TSC2: variants seen among roughly 807,000 people sequenced by gnomAD.
TSC2 encodes TSC complex subunit 2.
TSC2 carries 29 observed loss-of-function variants against 202.2 expected under a neutral mutation model. The ratio of observed to expected loss-of-function variants is 0.14; its 90% CI spans 0.11 to 0.20. The LOEUF (loss-of-function observed/expected upper bound fraction) is 0.20, where lower values mean the gene tolerates loss of function less well. Ranked by LOEUF, TSC2 falls within the 10% of genes least tolerant of loss-of-function variation. TSC2 has a pLI of 1.00. For missense variants in TSC2, 2,429 were observed against 2,420.0 expected (o/e 1.00, Z -0.08); for synonymous variants, 1,349 against 1,044.0 (o/e 1.29, Z -5.63).
rs45517297 is a variant in TSC2 at position 2,080,299 on chromosome 16, C to G, written c.3532C>G (p.Gln1178Glu). Residue 1178 changes from glutamine to glutamate, a missense_variant, in exon 30 of 42, where the codon CAG becomes GAG. By Grantham distance (29) the Gln-to-Glu change is conservative. Transcript: ENST00000219476. ...CTCAGCTGGCACCCGGGTTCCTGTG[C>G]AGGAGAAGACGAACCTGGCGGCCTA... ...KASAGTRVPV[Q>E]EKTNLAAYVP... 1 of 1,612,828 alleles carries G rather than the reference C, an allele frequency of 6.2e-7. No individual in the cohort carries two copies. Among genetic ancestry groups the G allele is most frequent in the African/African-American group, 1.3e-5 (1 of 74,954 alleles).
At chr16:2,086,025 A>G (rs1278271456) in intron 36 of TSC2, among the ~76,000 whole-genome samples, 168 bp from the exon 37 acceptor site, 1 of 152,130 alleles carries the variant, frequency 6.6e-6, no homozygotes, top group Non-Finnish European at 1.5e-5. Context: ...AGAGGGAGTC[A>G]AGGATGACAC....
intron 16 of TSC2, among the ~76,000 whole-genome samples, chr16:2,067,311 G>A (rs771900040): frequency 1.3e-5 from 2 of 151,992 alleles, no homozygotes; most frequent in South Asian, 2.1e-4. Context: ...ATAGGCACAC[G>A]TCACCACACC....
intron 30 of TSC2, 27 bp downstream of exon 30, chr16:2,080,404 C>A (rs2089985156): frequency 1.9e-6 from 3 of 1,606,270 alleles, no homozygotes; most frequent in Non-Finnish European, 2.5e-6. Flanking sequence ...GCCTGAGCGC[C>A]ATCTTTCTGC....
rs753764275 is a variant in TSC2, at chr16:2,062,547, G to T, written c.1308G>T (p.Pro436=). Residue 436 remains proline (P), a synonymous_variant, in exon 13 of 42, where the codon CCG becomes CCT. Coordinates refer to ENST00000219476, the MANE Select transcript of TSC2 (RefSeq NM_000548.5). ...CCTATAGAGCGCAGTCCATCCACCCGGCCAAGGACGGCTGGATTCAGAACC... is the reference window on the plus strand; with the variant it reads ...CCTATAGAGCGCAGTCCATCCACCCTGCCAAGGACGGCTGGATTCAGAACC... ...LISYRAQSIH[P]AKDGWIQNLQ... 6.2e-7 allele frequency: 1 copy of T among 1,612,306 alleles called. No individual in the cohort carries two copies. The highest frequency in any genetic ancestry group is 8.5e-7 in the Non-Finnish European group (1 of 1,179,238).
chr16:2,076,742 C>A, intron 25 of TSC2, 157 bp downstream of exon 25: 1 of 710,266 alleles, frequency 1.4e-6, no homozygotes, highest in Admixed American at 2.5e-5. Flanking sequence ...GCCGCTAACA[C>A]CCCTCAGCCC....
At chr16:2,073,019 G>T (rs772431563) in intron 21 of TSC2, 36 bp downstream of exon 21, 1 of 1,612,866 alleles carries the variant, frequency 6.2e-7, no homozygotes, top group Non-Finnish European at 8.5e-7. Context: ...AGCTTGATGG[G>T]GCCTGGGATT....
intron 36 of TSC2, 107 bp downstream of exon 36, chr16:2,085,429 CG>C (rs2090656102): frequency 8.3e-7 from 1 of 1,203,690 alleles, no homozygotes; most frequent in African/African-American, 1.5e-5. Context: ...TCAACACTGC[CG>C]GGTCCCCTAC....
chr16:2,088,803 T>A lies in TSC2; in HGVS notation c.*193T>A. On this transcript the variant is annotated 3_prime_UTR_variant, in exon 42 of 42. Coordinates refer to ENST00000219476, the MANE Select transcript of TSC2 (RefSeq NM_000548.5). ...GAAGCGGCCATGCCCACAGAAGTGGTACACAGAAGCAGGCACAGCCAGCTC... is the reference window on the plus strand; with the variant it reads ...GAAGCGGCCATGCCCACAGAAGTGGAACACAGAAGCAGGCACAGCCAGCTC... The A allele has an allele frequency of 1.3e-6, 1 of 754,196 alleles. No homozygotes were observed. The highest frequency in any genetic ancestry group is 2.1e-6 in the Non-Finnish European group (1 of 478,634). 46.7% of individuals were successfully genotyped at this position (754,196 alleles called of 1,614,324 possible).
At chr16:2,054,190 A>T in intron 4 of TSC2, 106 bp from the exon 5 acceptor site, 2 of 1,567,400 alleles carry the variant, frequency 1.3e-6, no homozygotes, top group Non-Finnish European at 1.7e-6. Context: ...TGGGAAGGAG[A>T]GGGGTCCAGG....
At chr16:2,049,140 C>A (rs2084762384) in intron 2 of TSC2, among the ~76,000 whole-genome samples, 1 of 152,042 alleles carries the variant, frequency 6.6e-6, no homozygotes, top group East Asian at 1.9e-4. Context: ...GGCTGGAGTG[C>A]AGTGGCACAA....
In TSC2 at chr16:2,076,507, T is replaced by C. The variant is rs749383639; in HGVS notation, c.2759T>C (p.Val920Ala). ...PFITKGLRSN[V>A]LLSFDDTPEK... Reference sequence around the variant, plus strand: ...CTCTGCCAGGGCCTGCGGTCCAATGTCCTCTTGTCTTTTGATGACACCCCC... The same window carrying C: ...CTCTGCCAGGGCCTGCGGTCCAATGCCCTCTTGTCTTTTGATGACACCCCC... Residue 920 changes from valine (V) to alanine (A), a missense_variant, in exon 25 of 42, where the codon GTC becomes GCC. Physicochemically the swap from Val to Ala is moderately conservative, Grantham distance 64 (BLOSUM62 0). Coordinates refer to ENST00000219476, the MANE Select transcript of TSC2 (RefSeq NM_000548.5). 3 of 1,613,370 alleles carry C rather than the reference T, an allele frequency of 1.9e-6. No individual in the cohort carries two copies. The East Asian group carries it at 6.7e-5, about 36-fold the overall frequency.
At chr16:2,065,327 G>A in intron 15 of TSC2, 192 bp from the exon 16 acceptor site, 1 of 603,550 alleles carries the variant, frequency 1.7e-6, no homozygotes, top group Non-Finnish European at 3.0e-6. Flanking sequence ...GCAGGAGAAT[G>A]GCGTGAACCT....
At chr16:2,080,087 G>A (rs1406321133) in intron 29 of TSC2, 78 bp from the exon 30 acceptor site, 53 of 1,582,604 alleles carry the variant, frequency 3.3e-5, no homozygotes, top group African/African-American at 9.4e-5. Flanking sequence ...TGCCAGGCTC[G>A]GGGGGAGCAT....
At position 2,088,547 on chromosome 16, in the gene TSC2, C is replaced by T. The variant is rs1334165353; in HGVS notation, c.5361C>T (p.Gly1787=). Residue 1787 remains glycine (G), a synonymous_variant, in exon 42 of 42, where the codon GGC becomes GGT. Transcript: ENST00000219476. Reference sequence around the variant, plus strand: ...AGACTCCAGCCGAGCCCACACCTGGCTATGAGGTGGGCCAGCGGAAGCGCC... The same window carrying T: ...AGACTCCAGCCGAGCCCACACCTGGTTATGAGGTGGGCCAGCGGAAGCGCC... The part of the protein sequence containing the change: ...PAQTPAEPTP[G]YEVGQRKRLI... The T allele has an allele frequency of 3.1e-6, 5 of 1,611,826 alleles. No individual in the cohort carries two copies. The East Asian group carries it at 8.9e-5, about 29-fold the overall frequency.
rs765503512 is a variant in TSC2 at position 2,084,696 on chromosome 16, G to C, written c.4474G>C (p.Val1492Leu). Reference sequence around the variant, plus strand: ...AGCCACAGCCTCCAATGCAGAGAAAGTGCCAGGCATCAACCCCAGGTGGGC... The same window carrying C: ...AGCCACAGCCTCCAATGCAGAGAAACTGCCAGGCATCAACCCCAGGTGGGC... ...SRATASNAEKVPGINPSFVFL... is the reference protein window; with the variant it reads ...SRATASNAEKLPGINPSFVFL... Residue 1492 changes from valine to leucine, a missense_variant, in exon 34 of 42, where the codon GTG (valine) becomes CTG (leucine). Physicochemically the swap from Val to Leu is conservative, Grantham distance 32 (BLOSUM62 1). Coordinates refer to ENST00000219476, the MANE Select transcript of TSC2 (RefSeq NM_000548.5). 6.3e-7 allele frequency: 1 copy of C among 1,598,358 alleles called. No individual in the cohort carries two copies. Among genetic ancestry groups the C allele is most frequent in the Admixed American group, 1.7e-5 (1 of 60,014 alleles).
Position 2,083,778 on chromosome 16 carries a change from G to C in TSC2, c.3967G>C (p.Ala1323Pro), listed in dbSNP as rs1248093496. 6.2e-7 allele frequency: 1 copy of C among 1,611,406 alleles called. No homozygotes were observed. Among genetic ancestry groups the C allele is most frequent in the South Asian group, 1.1e-5 (1 of 90,580 alleles). The change falls in exon 33 of 42, where the codon GCG becomes CCG. Residue 1323 changes from alanine to proline, a missense_variant. Physicochemically the swap from Ala to Pro is conservative, Grantham distance 27 (BLOSUM62 -1). Transcript: ENST00000219476. Reference protein sequence around the residue: ...EPPGLEDVEAALGMDRRTDAY... With the variant: ...EPPGLEDVEAPLGMDRRTDAY... ...CCCAGGGTTGGAGGACGTTGAGGCA[G>C]CGCTAGGCATGGACAGGCGCACGGA...
chr16:2,075,208 G>C (rs2089119657), intron 22 of TSC2: 1 of 154,256 alleles, frequency 6.5e-6, no homozygotes, highest in African/African-American at 2.6e-5. Flanking sequence ...GGGCAACAGA[G>C]CGAGACACCG....
chr16:2,050,296 T>C (rs1293755719), intron 2 of TSC2, 104 bp from the exon 3 acceptor site: 3 of 1,084,938 alleles, frequency 2.8e-6, no homozygotes, highest in African/African-American at 1.5e-5. Context: ...TTTAAGTCTC[T>C]AGTCTGGAAA....
At chr16:2,080,736 G>A (rs761760194) in intron 30 of TSC2, 66 of 278,834 alleles carry the variant, frequency 2.4e-4, no homozygotes, top group East Asian at 1.3e-3. Context: ...CGCCCGCCTT[G>A]GCCTCCCAAA....
Sources: gnomAD v4.1 joint callset for allele counts (sites outside exome capture counted in the v4.1 genomes callset) on GRCh38, gnomAD v4.1.1 for gene constraint, MANE v1.5 for transcripts, NCBI Gene and HGNC (gene_info 2026-07-23, HGNC 2026-07-21) for gene names.